FAM78B: variants seen among roughly 807,000 people sequenced by gnomAD.
FAM78B encodes family with sequence similarity 78 member B.
FAM78B carries 10 observed loss-of-function variants against 20.0 expected under a neutral mutation model. That is an observed-to-expected ratio of 0.50 (90% CI 0.31 to 0.85). The LOEUF is 0.85. Among genes scored for constraint, FAM78B ranks in the 40% least tolerant of loss-of-function variants. FAM78B has a pLI of 0.05. For missense variants in FAM78B, 283 were observed against 345.0 expected, an observed-to-expected ratio of 0.82 and a Z score of 1.42; for synonymous variants, 135 against 132.8, an observed-to-expected ratio of 1.02 and a Z score of -0.12.
intron 1 of FAM78B, among the ~76,000 whole-genome samples, chr1:166,107,761 T>C (rs1653844707): frequency 6.6e-6 from 1 of 152,150 alleles, no homozygotes; most frequent in Non-Finnish European, 1.5e-5. Flanking sequence ...ACTTGCTTAC[T>C]GAATCCAACA....
chr1:166,117,870 T>C (rs1654318648), intron 1 of FAM78B, among the ~76,000 whole-genome samples: 2 of 152,082 alleles, frequency 1.3e-5, no homozygotes, highest in South Asian at 2.1e-4. Flanking sequence ...ACAGCTGGAA[T>C]GGAAAGCCAA....
chr1:166,120,775 G>A (rs1654438515), intron 1 of FAM78B, among the ~76,000 whole-genome samples: 1 of 152,214 alleles, frequency 6.6e-6, no homozygotes. Context: ...GTGAGCAGAG[G>A]ACATCCACGG....
chr1:166,098,803 T>C (rs1047207646), intron 1 of FAM78B, among the ~76,000 whole-genome samples: 1 of 152,110 alleles, frequency 6.6e-6, no homozygotes, highest in African/African-American at 2.4e-5. Context: ...TTCTAAAAGC[T>C]TGGAAAACAT....
chr1:166,117,187 C>T (rs1654294142), intron 1 of FAM78B, among the ~76,000 whole-genome samples: 1 of 152,094 alleles, frequency 6.6e-6, no homozygotes, highest in South Asian at 2.1e-4. Context: ...TATGATCTCC[C>T]TGAGTAGAAT....
At chr1:166,079,999 G>A (rs1381754072) in intron 1 of FAM78B, among the ~76,000 whole-genome samples, 3 of 152,112 alleles carry the variant, frequency 2.0e-5, no homozygotes, top group Non-Finnish European at 2.9e-5. Flanking sequence ...TCAGTGTCAC[G>A]TCTACTTTGT....
chr1:166,101,941 G>A (rs1653538688), intron 1 of FAM78B, among the ~76,000 whole-genome samples: 1 of 152,168 alleles, frequency 6.6e-6, no homozygotes, highest in Non-Finnish European at 1.5e-5. Flanking sequence ...AGGAAAAAAT[G>A]TTAAGGGCAG....
At chr1:166,068,116 C>T (rs919482836), downstream of FAM78B, among the ~76,000 whole-genome samples, 1 of 151,944 alleles carries the variant, frequency 6.6e-6, no homozygotes, top group Admixed American at 6.6e-5. Flanking sequence ...TTTAAAATAC[C>T]AGGTTTTCTT....
chr1:166,065,857 T>C (rs1651774658), downstream of FAM78B, among the ~76,000 whole-genome samples: 1 of 152,256 alleles, frequency 6.6e-6, no homozygotes, highest in Non-Finnish European at 1.5e-5. Context: ...GGCTTAATTA[T>C]AGAGTTCAGG....
intron 1 of FAM78B, among the ~76,000 whole-genome samples, chr1:166,097,340 T>C (rs1653324097): frequency 6.6e-6 from 1 of 152,146 alleles, no homozygotes; most frequent in Non-Finnish European, 1.5e-5. Context: ...ACAACTTGAA[T>C]AGGGCGAGAA....
chr1:166,093,699 A>G (rs1004274399), intron 1 of FAM78B, among the ~76,000 whole-genome samples: 47 of 152,120 alleles, frequency 3.1e-4, no homozygotes, highest in Non-Finnish European at 5.4e-4. Flanking sequence ...TGATCAGCCG[A>G]GGCTTCTCCA....
intron 1 of FAM78B, among the ~76,000 whole-genome samples, chr1:166,119,172 A>G (rs1219334852): frequency 6.6e-6 from 1 of 152,138 alleles, no homozygotes; most frequent in African/African-American, 2.4e-5. Context: ...ATTAGCATTC[A>G]CCTTCTGTTT....
At position 166,127,974 on chromosome 1, in the gene FAM78B, A is replaced by T. The variant is rs375801787; in HGVS notation, c.263+38012T>A. ...ATAAAACATAGAGCCACCATGTCAG[A>T]CAAGATATTTTGCTAGTTGATAAAA... On this transcript the variant is annotated intron_variant, in intron 1 of 1. Coordinates refer to ENST00000354422, the MANE Select transcript of FAM78B (RefSeq NM_001017961.5). Among the ~76,000 whole-genome samples, 5 of 152,350 alleles carry T rather than the reference A, an allele frequency of 3.3e-5. No homozygotes were observed. The South Asian group carries it at 1.0e-3, about 32-fold the overall frequency.
intron 1 of FAM78B, among the ~76,000 whole-genome samples, chr1:166,078,916 T>G (rs1436114941): frequency 1.4e-5 from 2 of 140,308 alleles, no homozygotes; most frequent in Non-Finnish European, 3.0e-5. Context: ...AGCCCTGGCC[T>G]GGCCTTACAT....
At chr1:166,164,214 C>T (rs1656268401) in intron 1 of FAM78B, among the ~76,000 whole-genome samples, 1 of 152,254 alleles carries the variant, frequency 6.6e-6, no homozygotes, top group Admixed American at 6.5e-5. Flanking sequence ...TGCACAGTCA[C>T]TCCTGGCTTC....
chr1:166,097,839 C>T (rs1328135918), intron 1 of FAM78B, among the ~76,000 whole-genome samples: 1 of 151,986 alleles, frequency 6.6e-6, no homozygotes, highest in Non-Finnish European at 1.5e-5. Flanking sequence ...TTGGGAGTTA[C>T]ACGGTCCTGC....
intron 1 of FAM78B, among the ~76,000 whole-genome samples, chr1:166,109,297 C>G (rs897114385): frequency 3.9e-5 from 6 of 151,954 alleles, no homozygotes; most frequent in Non-Finnish European, 8.8e-5. Context: ...ATAATGAACT[C>G]AAACAAATCA....
chr1:166,096,310 A>C (rs971000082), intron 1 of FAM78B, among the ~76,000 whole-genome samples: 13 of 152,236 alleles, frequency 8.5e-5, no homozygotes, highest in Admixed American at 7.2e-4. Context: ...GTCACTGGTC[A>C]GCACATGGCC....
intron 1 of FAM78B, among the ~76,000 whole-genome samples, chr1:166,147,574 C>T (rs1442549193): frequency 6.6e-6 from 1 of 152,126 alleles, no homozygotes; most frequent in Non-Finnish European, 1.5e-5. Context: ...TGAAATCACA[C>T]AGCTAGTAAA....
At chr1:166,088,360 C>G (rs1557895276) in intron 1 of FAM78B, among the ~76,000 whole-genome samples, 1 of 152,132 alleles carries the variant, frequency 6.6e-6, no homozygotes, top group Non-Finnish European at 1.5e-5. Context: ...CCACTGTGCT[C>G]CATGTTCTCC....
Sources: allele counts gnomAD v4.1 joint callset (sites outside exome capture counted in the v4.1 genomes callset), GRCh38; gene constraint gnomAD v4.1.1; transcripts MANE v1.5; gene names NCBI Gene and HGNC (gene_info 2026-07-23, HGNC 2026-07-21).